The following DPRX variants were observed in gnomAD, a reference collection of about 807,000 sequenced individuals.
The protein encoded by DPRX is divergent paired-related homeobox.
Under a neutral mutation model 8.4 loss-of-function variants are expected in DPRX, and 11 were observed. The ratio of observed to expected loss-of-function variants is 1.31; its 90% confidence interval spans 0.82 to 2.17. The LOEUF (loss-of-function observed/expected upper bound fraction) is 2.17, where lower values mean the gene tolerates loss of function less well. Ranked by LOEUF, DPRX falls within the 30% of genes most tolerant of loss-of-function variation. DPRX has a pLI of 0.00. For synonymous variants in DPRX, 72 were observed against 87.0 expected (o/e 0.83, Z 0.96); for missense variants, 211 against 236.7 (o/e 0.89, Z 0.71).
exon 2 of DPRX, chr19:53,634,631 C>T: frequency 6.2e-7 from 1 of 1,614,034 alleles, no homozygotes; most frequent in South Asian, 1.1e-5. Flanking sequence ...ACCCAAACCC[C>T]AGCCTTCAGA....
chr19:53,616,900 A>G, the DPRX span: 20 of 1,483,324 alleles, frequency 1.3e-5, no homozygotes, highest in African/African-American at 2.2e-4. Flanking sequence ...GGCCATGACT[A>G]TGTATGCTCT....
chr19:53,637,001 G>A, exon 3 of DPRX: 1 of 1,578,750 alleles, frequency 6.3e-7, no homozygotes, highest in Non-Finnish European at 8.6e-7. Context: ...AATACAAAAA[G>A]TCACATGTTG....
the DPRX span, among the ~76,000 whole-genome samples, chr19:53,607,317 G>A: frequency 1.3e-5 from 2 of 152,176 alleles, no homozygotes; most frequent in African/African-American, 4.8e-5. Flanking sequence ...CCAGCACTTT[G>A]GGAGGCTGAG....
At chr19:53,615,947 T>C in the DPRX span, among the ~76,000 whole-genome samples, 12 of 151,934 alleles carry the variant, frequency 7.9e-5, no homozygotes, top group South Asian at 2.5e-3. Context: ...CCAATTTTTT[T>C]AAATTAAAAA....
chr19:53,631,953 G>T, upstream of DPRX: 1 of 959,632 alleles, frequency 1.0e-6, no homozygotes. Flanking sequence ...GGGCTCTGGA[G>T]GACCGAGGGA....
the DPRX span, among the ~76,000 whole-genome samples, chr19:53,620,139 G>A: frequency 2.0e-3 from 303 of 152,032 alleles, no homozygotes; most frequent in African/African-American, 6.7e-3. Flanking sequence ...GCGTGATCTC[G>A]CCTCACTGCA....
At chr19:53,602,312 G>GTGTGTGTGTC in the DPRX span, 157 of 316,308 alleles carry the variant, frequency 5.0e-4, 3 homozygotes, top group African/African-American at 3.6e-3. Flanking sequence ...GTGTGTGTGT[G>GTGTGTGTGTC]CCAGCCTCCC....
chr19:53,625,355 TG>T, the DPRX span, among the ~76,000 whole-genome samples: 1 of 152,240 alleles, frequency 6.6e-6, no homozygotes, highest in East Asian at 1.9e-4. Flanking sequence ...TGTCTGGCCC[TG>T]ATCACAGCCA....
At chr19:53,632,339 C>T (rs933638631) in intron 1 of DPRX, among the ~76,000 whole-genome samples, 1 of 152,088 alleles carries the variant, frequency 6.6e-6, no homozygotes, top group Admixed American at 6.6e-5. Context: ...CTCACTCTGT[C>T]GCTCAGGCTG....
the DPRX span, chr19:53,601,932 T>C: frequency 2.3e-6 from 1 of 434,556 alleles, no homozygotes; most frequent in South Asian, 1.7e-5. Context: ...GTAGAGTATT[T>C]AGAGCTTGAG....
chr19:53,620,123 G>T, the DPRX span, among the ~76,000 whole-genome samples: 18 of 152,194 alleles, frequency 1.2e-4, no homozygotes, highest in South Asian at 6.2e-4. Context: ...AGGCTAGAGT[G>T]CTATAGCGTG....
At chr19:53,628,208 G>A (rs2091078477), upstream of DPRX, among the ~76,000 whole-genome samples, 1 of 152,228 alleles carries the variant, frequency 6.6e-6, no homozygotes, top group South Asian at 2.1e-4. Context: ...GGAGGCTGAG[G>A]TGGGAGGATT....
At chr19:53,610,442 T>A in the DPRX span, among the ~76,000 whole-genome samples, 1 of 152,204 alleles carries the variant, frequency 6.6e-6, no homozygotes, top group Non-Finnish European at 1.5e-5. Flanking sequence ...ACGTGCCCCA[T>A]TAATATGTAC....
chr19:53,602,151 G>T, the DPRX span: 1 of 456,332 alleles, frequency 2.2e-6, no homozygotes, highest in Non-Finnish European at 4.4e-6. Context: ...GCATAGCATG[G>T]ACAGCAGGAC....
chr19:53,634,202 G>A (rs768655156), intron 1 of DPRX, among the ~76,000 whole-genome samples: 2 of 152,102 alleles, frequency 1.3e-5, no homozygotes, highest in African/African-American at 2.4e-5. Context: ...AGGCCGAGGC[G>A]GGTGGATCAC....
the DPRX span, among the ~76,000 whole-genome samples, chr19:53,605,598 G>C: frequency 3.2e-4 from 48 of 151,828 alleles, no homozygotes; most frequent in East Asian, 8.7e-3. Context: ...CAAAGTACGG[G>C]GGTTACAGGC....
chr19:53,606,729 G>A, the DPRX span: 38 of 99,702 alleles, frequency 3.8e-4, no homozygotes, highest in East Asian at 1.7e-3. The surrounding 1 kb of genome is among the most constrained non-coding windows in gnomAD (Gnocchi z 4.8). Context: ...CTTCTCCTGC[G>A]GGACAGGTAT....
upstream of DPRX, among the ~76,000 whole-genome samples, chr19:53,630,338 T>C (rs1482663445): frequency 6.6e-6 from 1 of 152,130 alleles, no homozygotes; most frequent in East Asian, 1.9e-4. Flanking sequence ...GGTGGGAGGA[T>C]GGCTTGTGCC....
upstream of DPRX, among the ~76,000 whole-genome samples, chr19:53,627,237 C>T (rs191857641): frequency 6.6e-6 from 1 of 152,174 alleles, no homozygotes; most frequent in Admixed American, 6.6e-5. Flanking sequence ...AAAACCACCA[C>T]TAAGACTTGT....
Sources: allele counts gnomAD v4.1 joint callset (sites outside exome capture counted in the v4.1 genomes callset), GRCh38; gene constraint gnomAD v4.1.1; non-coding constraint Gnocchi (gnomAD v3.1); transcripts MANE v1.5; gene names NCBI Gene and HGNC (gene_info 2026-07-23, HGNC 2026-07-21).